GCH1: variants seen among roughly 807,000 people sequenced by gnomAD.
The protein encoded by GCH1 is GTP cyclohydrolase 1.
A neutral mutation model predicts 25.9 loss-of-function variants in GCH1; 5 were observed. That is an observed-to-expected ratio of 0.19 (90% CI 0.10 to 0.41). The LOEUF is 0.41. Ranked by LOEUF, GCH1 falls within the 10% of genes least tolerant of loss-of-function variation. GCH1 has a pLI of 1.00. For synonymous variants in GCH1, 159 were observed against 129.6 expected (o/e 1.23, Z -1.54); for missense variants, 261 against 336.5 (o/e 0.78, Z 1.75).
rs2040051777 is a variant in GCH1 at position 54,870,322 on chromosome 14, ACT to A, written c.344-4888_344-4887del. 5.6e-5 allele frequency among the ~76,000 whole-genome samples: 7 copies of A among 124,562 alleles called. 1 individual carries two copies. The South Asian group carries it at 1.7e-3, about 29-fold the overall frequency. The allele number at this position is 124,562 out of a possible 152,430, so 81.7% of individuals were successfully genotyped here. A position where few individuals can be genotyped will look rare whatever the true frequency, so the allele number is the denominator to read the frequency against. ...AGACCAGACTGCCCAACCTAGCCAG[ACT>A]CTGTTTTTACCAAAAAAAAAAAAAA... is the stretch of plus-strand genomic sequence containing the variant. On this transcript the variant is annotated intron_variant, in intron 1 of 5. Transcript: ENST00000491895.
intron 1 of GCH1, among the ~76,000 whole-genome samples, chr14:54,867,537 G>A (rs535854246): frequency 3.8e-5 from 5 of 132,136 alleles, no homozygotes; most frequent in Admixed American, 8.9e-5. Context: ...GCAGTGAGCC[G>A]AGATCATGTC....
In GCH1 at chr14:54,849,666, T is replaced by G. The variant is rs185680524; in HGVS notation, c.510-2536A>C. Among the ~76,000 whole-genome samples, 582 of 152,354 alleles carry G rather than the reference T, an allele frequency of 3.8e-3. 5 individuals carry two copies. The highest frequency in any genetic ancestry group is 0.013 in the African/African-American group (546 of 41,588). ...GTGTTCTAGAAACTTTTTTAGCCAT[T>G]ATCTTCTCTAACGTTGCATCTAGCA... On this transcript the variant is annotated intron_variant, in intron 3 of 5. Coordinates refer to ENST00000491895, the MANE Select transcript of GCH1 (RefSeq NM_000161.3).
intron 2 of GCH1, among the ~76,000 whole-genome samples, chr14:54,860,600 G>A (rs183977171): frequency 1.3e-5 from 2 of 149,962 alleles, no homozygotes; most frequent in East Asian, 2.0e-4. Context: ...GAGTACAGTG[G>A]CCCAGTCTTG....
intron 3 of GCH1, among the ~76,000 whole-genome samples, chr14:54,853,097 G>A (rs1490395540): frequency 3.3e-5 from 5 of 152,094 alleles, no homozygotes; most frequent in Admixed American, 3.3e-4. Flanking sequence ...CTGAGTAGCT[G>A]GGACTACAGG....
chr14:54,867,260 G>A lies in GCH1; in HGVS notation c.344-1824C>T, dbSNP rs573194020. On this transcript the variant is annotated intron_variant, in intron 1 of 5. Coordinates refer to ENST00000491895, the MANE Select transcript of GCH1 (RefSeq NM_000161.3). ...CTCTGACGACAACCATATGGCCCAT[G>A]TTAAAGTCAGCCCTTCAACTCAGGC... Among the ~76,000 whole-genome samples the A allele has an allele frequency of 2.2e-4, 34 of 152,302 alleles. 1 individual carries two copies. The South Asian group carries it at 6.6e-3, about 30-fold the overall frequency.
intron 1 of GCH1, among the ~76,000 whole-genome samples, chr14:54,877,100 G>A (rs2040172861): frequency 6.6e-6 from 1 of 152,176 alleles, no homozygotes; most frequent in Non-Finnish European, 1.5e-5. Context: ...TTTTTCTTCA[G>A]TAATAAAGTT....
rs1035346501 is a variant in GCH1 at position 54,849,972 on chromosome 14, AT to A, written c.510-2843del. Among the ~76,000 whole-genome samples, 14 of 150,874 alleles carry A rather than the reference AT, an allele frequency of 9.3e-5. No individual in the cohort carries two copies. The East Asian group carries it at 2.3e-3, about 25-fold the overall frequency. ...CTGCAAGTTTCTTATCCCTTTGTCA[AT>A]TTTTTTTTGTTTGTTTTTTGGCACG... On this transcript the variant is annotated intron_variant, in intron 3 of 5. Transcript: ENST00000491895.
intron 2 of GCH1, 24 bp downstream of exon 2, chr14:54,865,303 G>T: frequency 9.0e-7 from 1 of 1,115,360 alleles, no homozygotes; most frequent in Non-Finnish European, 1.4e-6. Flanking sequence ...TTAAATTGCT[G>T]GGAAACAACA....
chr14:54,847,315 G>C (rs540940763), intron 3 of GCH1, among the ~76,000 whole-genome samples, 185 bp from the exon 4 acceptor site: 2 of 152,320 alleles, frequency 1.3e-5, no homozygotes, highest in Admixed American at 1.3e-4. Context: ...AACTTGATTG[G>C]ATTGAAGGAT....
chr14:54,900,845 T>TCACACA (rs3221690), intron 1 of GCH1, among the ~76,000 whole-genome samples: 8,505 of 144,620 alleles, frequency 0.059, 272 homozygotes, highest in East Asian at 0.11. Flanking sequence ...GTGAAATATC[T>TCACACA]CACACACACA....
intron 1 of GCH1, among the ~76,000 whole-genome samples, chr14:54,893,204 A>C (rs1405382645): frequency 6.6e-6 from 1 of 152,236 alleles, no homozygotes; most frequent in East Asian, 1.9e-4. Context: ...CCCAACACAA[A>C]TTATATCCCA....
chr14:54,868,229 C>T (rs1431212073), intron 1 of GCH1, among the ~76,000 whole-genome samples: 1 of 152,038 alleles, frequency 6.6e-6, no homozygotes, highest in Non-Finnish European at 1.5e-5. Flanking sequence ...GCCTAGGTAA[C>T]ACTGCAATAT....
chr14:54,871,751 T>C (rs888515750), intron 1 of GCH1, among the ~76,000 whole-genome samples: 11 of 152,136 alleles, frequency 7.2e-5, no homozygotes, highest in African/African-American at 2.4e-4. Flanking sequence ...GTATCAGTGA[T>C]GGAAGATCAA....
At chr14:54,850,330 G>A (rs1189587463) in intron 3 of GCH1, among the ~76,000 whole-genome samples, 11 of 104,088 alleles carry the variant, frequency 1.1e-4, no homozygotes, top group African/African-American at 4.6e-4. Context: ...TTTTTCCCCC[G>A]AGACAGAGTC....
chr14:54,843,376 C>T lies in GCH1; in HGVS notation c.*641G>A, dbSNP rs1350159556. On this transcript the variant is annotated 3_prime_UTR_variant, in exon 6 of 6. Transcript: ENST00000491895. ...TCGTAAACAACACCAGGAACTAATTCCCTATTCTTGAATTTAAAAACAATA... is the reference window on the plus strand; with the variant it reads ...TCGTAAACAACACCAGGAACTAATTTCCTATTCTTGAATTTAAAAACAATA... 1.1e-5 allele frequency: 14 copies of T among 1,250,914 alleles called. No individual in the cohort carries two copies. Among genetic ancestry groups the T allele is most frequent in the African/African-American group, 1.5e-5 (1 of 64,782 alleles). 77.5% of individuals were successfully genotyped at this position (1,250,914 alleles called of 1,614,324 possible).
At chr14:54,895,844 A>G (rs1305802474) in intron 1 of GCH1, among the ~76,000 whole-genome samples, 1 of 152,206 alleles carries the variant, frequency 6.6e-6, no homozygotes, top group East Asian at 1.9e-4. Context: ...CCCATGAGCT[A>G]CAGTCCAGTA....
chr14:54,856,213 C>A (rs969749524), intron 3 of GCH1, among the ~76,000 whole-genome samples: 6 of 152,188 alleles, frequency 3.9e-5, no homozygotes, highest in Non-Finnish European at 8.8e-5. Context: ...CCCTCCACCT[C>A]CAGGTCTATT....
intron 3 of GCH1, among the ~76,000 whole-genome samples, chr14:54,857,594 C>T (rs139631015): frequency 6.8e-4 from 103 of 152,280 alleles, no homozygotes; most frequent in Middle Eastern, 3.4e-3. Flanking sequence ...ACAGGGAGGC[C>T]CAGGGGACTG....
intron 2 of GCH1, among the ~76,000 whole-genome samples, chr14:54,860,804 G>A (rs2039885566): frequency 6.6e-6 from 1 of 152,152 alleles, no homozygotes. Flanking sequence ...CTCCCAAAGA[G>A]TTGGGATTAC....
Sources: allele counts gnomAD v4.1 joint callset (sites outside exome capture counted in the v4.1 genomes callset), GRCh38; gene constraint gnomAD v4.1.1; transcripts MANE v1.5; gene names NCBI Gene and HGNC (gene_info 2026-07-23, HGNC 2026-07-21).